The following SSH2 variants were observed in gnomAD, a reference collection of about 807,000 sequenced individuals.
The protein encoded by SSH2 is slingshot protein phosphatase 2.
SSH2 carries 37 observed loss-of-function variants against 135.2 expected under a neutral mutation model. The ratio of observed to expected loss-of-function variants is 0.27; its 90% CI spans 0.21 to 0.36. The LOEUF is 0.36. Among genes scored for constraint, SSH2 ranks in the 10% least tolerant of loss-of-function variants. The probability of loss-of-function intolerance (pLI) is 1.00; values close to 1 mark genes in which losing one functional copy is unlikely to be tolerated. For synonymous variants in SSH2, 628 were observed against 646.2 expected, an observed-to-expected ratio of 0.97 and a Z score of 0.43; for missense variants, 1,408 against 1,765.3, an observed-to-expected ratio of 0.80 and a Z score of 3.63.
chr17:29,684,595 G>T lies in SSH2; in HGVS notation c.447C>A (p.Ile149=). Reference sequence around the variant, plus strand: ...TAGAGGAGAAATCCATTCCTAGGACGATGCTTTCTTCAGTGTCTTGTCTAC... The same window carrying T: ...TAGAGGAGAAATCCATTCCTAGGACTATGCTTTCTTCAGTGTCTTGTCTAC... The part of the protein sequence containing the change: ...TNGRQDTEES[I]VLGMDFSSND... Residue 149 remains isoleucine, a synonymous_variant, in exon 6 of 16, where the codon ATC becomes ATA. Coordinates refer to ENST00000540801, the MANE Select transcript of SSH2 (RefSeq NM_001282129.2). 2 of 1,612,252 alleles carry T rather than the reference G, an allele frequency of 1.2e-6. No homozygotes were observed. Among genetic ancestry groups the T allele is most frequent in the South Asian group, 1.1e-5 (1 of 91,016 alleles).
intron 3 of SSH2, among the ~76,000 whole-genome samples, chr17:29,778,123 T>C (rs568350011): frequency 2.6e-5 from 4 of 152,290 alleles, no homozygotes; most frequent in African/African-American, 7.2e-5. Flanking sequence ...ATGGGATACA[T>C]AAATGTTTTG....
At chr17:29,882,436 C>A (rs1464677803) in intron 1 of SSH2, among the ~76,000 whole-genome samples, 1 of 152,166 alleles carries the variant, frequency 6.6e-6, no homozygotes, top group Non-Finnish European at 1.5e-5. Context: ...TCACATGGAG[C>A]TTTACAATAC....
intron 1 of SSH2, among the ~76,000 whole-genome samples, chr17:29,853,053 G>A (rs972795436): frequency 1.3e-5 from 2 of 150,556 alleles, no homozygotes; most frequent in African/African-American, 4.9e-5. Flanking sequence ...AGTAAGCTAG[G>A]AATACAAAAT....
At chr17:29,692,930 A>G (rs2038549220) in intron 5 of SSH2, among the ~76,000 whole-genome samples, 1 of 152,214 alleles carries the variant, frequency 6.6e-6, no homozygotes, top group African/African-American at 2.4e-5. Context: ...TGATTCTGAT[A>G]TACTTTAAAG....
chr17:29,700,084 G>C (rs1189443362), intron 4 of SSH2, among the ~76,000 whole-genome samples: 1 of 152,206 alleles, frequency 6.6e-6, no homozygotes, highest in Non-Finnish European at 1.5e-5. Context: ...AGATTATCTT[G>C]ACTAAAGCTA....
At chr17:29,843,124 T>C (rs1413472793) in intron 2 of SSH2, among the ~76,000 whole-genome samples, 1 of 152,250 alleles carries the variant, frequency 6.6e-6, no homozygotes, top group Non-Finnish European at 1.5e-5. Flanking sequence ...GTGCTTGCTG[T>C]AGGCTTAAAC....
intron 11 of SSH2, among the ~76,000 whole-genome samples, chr17:29,665,117 T>C (rs930154210): frequency 3.3e-5 from 5 of 152,076 alleles, no homozygotes; most frequent in African/African-American, 1.2e-4. Flanking sequence ...ATAGAACGAG[T>C]GACTCACAAG....
At chr17:29,872,486 G>A (rs1378767561) in intron 1 of SSH2, among the ~76,000 whole-genome samples, 2 of 152,236 alleles carry the variant, frequency 1.3e-5, no homozygotes, top group African/African-American at 4.8e-5. Context: ...CTGGCATGGT[G>A]GCTTACGCCT....
chr17:29,758,932 T>G (rs2041208911), intron 3 of SSH2, among the ~76,000 whole-genome samples: 1 of 152,146 alleles, frequency 6.6e-6, no homozygotes, highest in Admixed American at 6.5e-5. Context: ...AAATGTTTCA[T>G]AGAGACAGAG....
At chr17:29,656,013 T>C (rs1318699615) in intron 11 of SSH2, among the ~76,000 whole-genome samples, 1 of 152,214 alleles carries the variant, frequency 6.6e-6, no homozygotes, top group Non-Finnish European at 1.5e-5. Context: ...CTACCTTTAA[T>C]ATAAGCTCCT....
intron 13 of SSH2, among the ~76,000 whole-genome samples, chr17:29,649,636 T>G (rs1186833553): frequency 1.3e-5 from 2 of 152,180 alleles, no homozygotes; most frequent in African/African-American, 4.8e-5. Flanking sequence ...TCCTCCCGTC[T>G]CAGCAAGATC....
chr17:29,926,447 G>A (rs1039059963), intron 1 of SSH2, among the ~76,000 whole-genome samples: 5 of 151,806 alleles, frequency 3.3e-5, no homozygotes, highest in African/African-American at 1.2e-4. Context: ...CCAGCTACTG[G>A]GGAAGCTGAG....
intron 3 of SSH2, among the ~76,000 whole-genome samples, chr17:29,748,149 G>A (rs1054636235): frequency 1.3e-5 from 2 of 152,182 alleles, no homozygotes; most frequent in African/African-American, 2.4e-5. Flanking sequence ...GGCTAAGCAT[G>A]ATTCCAAGAA....
chr17:29,739,839 C>A (rs981015380), intron 3 of SSH2, among the ~76,000 whole-genome samples: 1 of 152,216 alleles, frequency 6.6e-6, no homozygotes, highest in African/African-American at 2.4e-5. Flanking sequence ...GCAACACTCA[C>A]ACAGAAATCA....
At chr17:29,910,582 C>T (rs927979256) in intron 1 of SSH2, among the ~76,000 whole-genome samples, 1 of 152,154 alleles carries the variant, frequency 6.6e-6, no homozygotes, top group African/African-American at 2.4e-5. Flanking sequence ...TATGTGTCAA[C>T]ACTGTAAAAC....
chr17:29,833,183 T>C (rs1444678364), intron 2 of SSH2, among the ~76,000 whole-genome samples: 1 of 152,236 alleles, frequency 6.6e-6, no homozygotes, highest in Non-Finnish European at 1.5e-5. Flanking sequence ...GAAAGTGGAA[T>C]GATGAAGTAT....
At chr17:29,727,716 T>G (rs1442600746) in intron 3 of SSH2, among the ~76,000 whole-genome samples, 1 of 152,182 alleles carries the variant, frequency 6.6e-6, no homozygotes, top group Non-Finnish European at 1.5e-5. Flanking sequence ...CCACAGCTAG[T>G]AAGTCACTGA....
Position 29,640,085 on chromosome 17 carries a change from T to G in SSH2, c.1428-3283A>C, listed in dbSNP as rs532703499. Among the ~76,000 whole-genome samples the G allele has an allele frequency of 6.4e-4, 83 of 128,772 alleles. 2 individuals are homozygous for G. The South Asian group carries it at 0.018, about 28-fold the overall frequency. 84.5% of individuals were successfully genotyped at this position (128,772 alleles called of 152,430 possible). ...TCCTCCAAAGTATGTTTTTTTTTTG[T>G]TTTTTTTTTTTGAGACGGAGTCTCG... On this transcript the variant is annotated intron_variant, in intron 14 of 15. Transcript: ENST00000540801.
At position 29,662,632 on chromosome 17, in the gene SSH2, A is replaced by AT. The variant is rs528374361; in HGVS notation, c.1032+4234dup. 6.1e-3 allele frequency among the ~76,000 whole-genome samples: 932 copies of AT among 151,556 alleles called. 9 individuals are homozygous for AT. Among genetic ancestry groups the AT allele is most frequent in the African/African-American group, 0.021 (885 of 41,300 alleles). ...TACATTAAAAGTAACCAATTTGAGGATTTTTTTTTAACTTTTAAGTTCAGG... is the reference window on the plus strand; with the variant it reads ...TACATTAAAAGTAACCAATTTGAGGATTTTTTTTTTAACTTTTAAGTTCAGG... On this transcript the variant is annotated intron_variant, in intron 11 of 15. Coordinates refer to ENST00000540801, the MANE Select transcript of SSH2 (RefSeq NM_001282129.2).
Sources: allele counts gnomAD v4.1 joint callset (sites outside exome capture counted in the v4.1 genomes callset), GRCh38; gene constraint gnomAD v4.1.1; transcripts MANE v1.5; gene names NCBI Gene and HGNC (gene_info 2026-07-23, HGNC 2026-07-21).